Variants in ROBO1 observed in about 807,000 individuals in gnomAD.
ROBO1 encodes the protein roundabout homolog 1.
A neutral mutation model predicts 195.9 loss-of-function variants in ROBO1; 149 were observed. That is an observed-to-expected ratio of 0.76 (90% CI 0.67 to 0.87). ROBO1 has a LOEUF of 0.87. Ranked by LOEUF, ROBO1 falls within the 40% of genes least tolerant of loss-of-function variation. The pLI is 0.00. For synonymous variants in ROBO1, 816 were observed against 733.2 expected (o/e 1.11, Z -1.82); for missense variants, 1,933 against 2,068.3 (o/e 0.93, Z 1.27).
intron 4 of ROBO1, among the ~76,000 whole-genome samples, chr3:78,905,138 T>A (rs1211059193): frequency 1.3e-5 from 2 of 152,116 alleles, no homozygotes; most frequent in African/African-American, 4.8e-5. Flanking sequence ...ATATTAAATT[T>A]TGAGAGATTA....
chr3:78,803,372 C>G (rs2084426989), intron 4 of ROBO1, among the ~76,000 whole-genome samples: 1 of 152,084 alleles, frequency 6.6e-6, no homozygotes, highest in African/African-American at 2.4e-5. Flanking sequence ...TACCCCATAC[C>G]TGAGGGGAAA....
intron 1 of ROBO1, among the ~76,000 whole-genome samples, chr3:79,695,576 G>T (rs1405189087): frequency 6.6e-6 from 1 of 151,416 alleles, no homozygotes; most frequent in East Asian, 1.9e-4. Flanking sequence ...TTAAAACCGA[G>T]AACAGAATAA....
intron 2 of ROBO1, among the ~76,000 whole-genome samples, chr3:79,527,148 T>A (rs1941466289): frequency 6.6e-6 from 1 of 152,138 alleles, no homozygotes; most frequent in Non-Finnish European, 1.5e-5. Flanking sequence ...ACCCATTCAA[T>A]AGGAAGCAGA....
In ROBO1 at chr3:78,995,779, AG is replaced by A. The variant is rs1218334643; in HGVS notation, c.173-56853del. 1.5e-4 allele frequency among the ~76,000 whole-genome samples: 22 copies of A among 151,722 alleles called. No individual in the cohort carries two copies. In the East Asian group the frequency reaches 4.3e-3, roughly 30 times the overall value. ...AGACTCTGTCTCCAAAAAAAAAAAAAGAAAAAAAGAAATTAAAAAGTAATAA... is the reference window on the plus strand; with the variant it reads ...AGACTCTGTCTCCAAAAAAAAAAAAAAAAAAAAGAAATTAAAAAGTAATAA... On this transcript the variant is annotated intron_variant, in intron 3 of 30. Transcript: ENST00000464233.
At chr3:79,338,009 C>T (rs2034746296) in intron 2 of ROBO1, among the ~76,000 whole-genome samples, 1 of 152,168 alleles carries the variant, frequency 6.6e-6, no homozygotes, top group South Asian at 2.1e-4. Flanking sequence ...ATCAGCAAAA[C>T]CTACAATAAA....
intron 3 of ROBO1, among the ~76,000 whole-genome samples, chr3:79,104,467 A>G (rs947358674): frequency 1.2e-4 from 18 of 151,820 alleles, no homozygotes; most frequent in African/African-American, 4.3e-4. Flanking sequence ...ATGTGTAATC[A>G]CAATGCTGTA....
At chr3:78,783,654 G>A (rs2083747279) in intron 4 of ROBO1, among the ~76,000 whole-genome samples, 2 of 152,148 alleles carry the variant, frequency 1.3e-5, no homozygotes, top group Admixed American at 6.6e-5. Context: ...TGCTGGAGGA[G>A]ATAAATTCCT....
intron 2 of ROBO1, among the ~76,000 whole-genome samples, chr3:79,329,972 C>T (rs1393819064): frequency 1.3e-5 from 2 of 151,844 alleles, no homozygotes; most frequent in Non-Finnish European, 2.9e-5. Context: ...TACTGGAACT[C>T]GCAGATGGTA....
chr3:78,840,308 C>T (rs2033091972), intron 4 of ROBO1, among the ~76,000 whole-genome samples: 1 of 152,164 alleles, frequency 6.6e-6, no homozygotes, highest in Non-Finnish European at 1.5e-5. Flanking sequence ...AACAAACAGT[C>T]CATAGATTAT....
intron 14 of ROBO1, among the ~76,000 whole-genome samples, chr3:78,662,399 GCTC>G (rs1292979549): frequency 5.9e-5 from 9 of 152,296 alleles, no homozygotes; most frequent in Admixed American, 2.6e-4. Context: ...ACATTTAGTG[GCTC>G]CTCCTATCAT....
At chr3:78,935,641 T>C (rs142302958) in intron 4 of ROBO1, among the ~76,000 whole-genome samples, 38 of 152,152 alleles carry the variant, frequency 2.5e-4, no homozygotes, top group African/African-American at 8.2e-4. Context: ...TCGTAAGACC[T>C]TCTTAGAAAG....
chr3:79,397,655 G>A (rs1481997522), intron 2 of ROBO1, among the ~76,000 whole-genome samples: 1 of 152,044 alleles, frequency 6.6e-6, no homozygotes, highest in Non-Finnish European at 1.5e-5. Context: ...CTATGCAACC[G>A]ATAAGCCTGG....
chr3:79,708,216 A>G (rs908358993), intron 1 of ROBO1, among the ~76,000 whole-genome samples: 25 of 152,176 alleles, frequency 1.6e-4, no homozygotes, highest in African/African-American at 5.5e-4. Flanking sequence ...GGATTAAAGT[A>G]ACATTCTTAT....
intron 5 of ROBO1, among the ~76,000 whole-genome samples, chr3:78,723,157 G>T (rs1295080496): frequency 1.3e-5 from 2 of 152,176 alleles, no homozygotes; most frequent in South Asian, 2.1e-4. Flanking sequence ...GTGATGTTGC[G>T]GCTGTTGTAA....
At chr3:79,419,170 A>C (rs2038121761) in intron 2 of ROBO1, among the ~76,000 whole-genome samples, 1 of 152,176 alleles carries the variant, frequency 6.6e-6, no homozygotes, top group South Asian at 2.1e-4. Flanking sequence ...AAAATGGTAC[A>C]AGTTTTGAGC....
At chr3:78,630,961 T>A (rs190218143) in intron 25 of ROBO1, among the ~76,000 whole-genome samples, 200 bp downstream of exon 25, 7 of 152,198 alleles carry the variant, frequency 4.6e-5, no homozygotes, top group Non-Finnish European at 8.8e-5. Flanking sequence ...TCCAAAAGAA[T>A]CTTTCAAAGC....
chr3:78,941,719 C>T (rs1000149391), intron 3 of ROBO1, among the ~76,000 whole-genome samples: 3 of 152,100 alleles, frequency 2.0e-5, no homozygotes, highest in African/African-American at 4.8e-5. Context: ...ATGTGGTACA[C>T]TTGTGGGACC....
intron 2 of ROBO1, among the ~76,000 whole-genome samples, chr3:79,129,080 T>A (rs550853024): frequency 2.0e-5 from 3 of 152,314 alleles, no homozygotes; most frequent in Middle Eastern, 3.4e-3. Context: ...CAACCAAATT[T>A]ATTTCCATTG....
chr3:79,358,649 A>G (rs2035652591), intron 2 of ROBO1, among the ~76,000 whole-genome samples: 1 of 152,090 alleles, frequency 6.6e-6, no homozygotes, highest in Admixed American at 6.6e-5. Flanking sequence ...ACGTCTGGAT[A>G]CATTTAACAG....
Sources: allele counts gnomAD v4.1 joint callset (sites outside exome capture counted in the v4.1 genomes callset), GRCh38; gene constraint gnomAD v4.1.1; transcripts MANE v1.5; gene names NCBI Gene and HGNC (gene_info 2026-07-23, HGNC 2026-07-21).